The following WWTR1 variants were observed in gnomAD, a reference collection of about 807,000 sequenced individuals.
WWTR1 encodes WW domain containing transcription regulator 1.
WWTR1 carries 13 observed loss-of-function variants against 40.1 expected under a neutral mutation model. The observed-to-expected ratio is 0.32, with a 90% CI of 0.21 to 0.52. The LOEUF (loss-of-function observed/expected upper bound fraction) is 0.52, where lower values mean the gene tolerates loss of function less well. Among genes scored for constraint, WWTR1 ranks in the 20% least tolerant of loss-of-function variants. The pLI is 0.97. For missense variants in WWTR1, 436 were observed against 523.1 expected (o/e 0.83, Z 1.63); for synonymous variants, 230 against 210.1 (o/e 1.09, Z -0.82).
At chr3:149,527,621 G>A (rs559829050) in intron 5 of WWTR1, among the ~76,000 whole-genome samples, 10 of 152,150 alleles carry the variant, frequency 6.6e-5, no homozygotes, top group Admixed American at 5.2e-4. Context: ...TTTACTCTAC[G>A]TCCTATCACC....
At chr3:149,710,582 C>CCT (rs1559847516) in intron 5 of WWTR1, among the ~76,000 whole-genome samples, 1 of 44,640 alleles carries the variant, frequency 2.2e-5, no homozygotes, top group African/African-American at 1.2e-4. Flanking sequence ...CCCCCCCCCC[C>CCT]TTTTTTTTTT....
chr3:149,695,807 A>ATATATG (rs1212674642), intron 1 of WWTR1, among the ~76,000 whole-genome samples: 1 of 145,778 alleles, frequency 6.9e-6, no homozygotes, highest in East Asian at 2.0e-4. Context: ...ATATATATAT[A>ATATATG]TATTTAAAAA....
chr3:149,572,840 ATT>A, intron 3 of WWTR1, 22 bp downstream of exon 3: 1 of 1,611,252 alleles, frequency 6.2e-7, no homozygotes, highest in African/African-American at 1.3e-5. Flanking sequence ...ATCTTTTTTA[ATT>A]TTAAAAAAGC....
chr3:149,527,083 C>G (rs538433466), intron 5 of WWTR1, among the ~76,000 whole-genome samples: 34 of 152,264 alleles, frequency 2.2e-4, no homozygotes, highest in African/African-American at 8.2e-4. Flanking sequence ...AAATCTGACA[C>G]TGTAGAATAT....
At chr3:149,565,928 C>CAAAAAAAA (rs58536558) in intron 3 of WWTR1, among the ~76,000 whole-genome samples, 1 of 73,474 alleles carries the variant, frequency 1.4e-5, no homozygotes, top group Non-Finnish European at 2.8e-5. Flanking sequence ...AACTCTGTCT[C>CAAAAAAAA]AAAAAAAAAA....
intron 2 of WWTR1, among the ~76,000 whole-genome samples, chr3:149,599,084 T>C (rs1030438563): frequency 6.6e-6 from 1 of 152,244 alleles, no homozygotes; most frequent in Non-Finnish European, 1.5e-5. Flanking sequence ...AGGTAAAGAT[T>C]CCAAAATGGC....
rs1307297959 is a variant in WWTR1, at chr3:149,542,364, G to A, written c.742C>T (p.Arg248Ter). 1.9e-6 allele frequency: 3 copies of A among 1,613,914 alleles called. No homozygotes were observed. The highest frequency in any genetic ancestry group is 2.5e-6 in the Non-Finnish European group (3 of 1,179,902). The change falls in exon 4 of 7, where the codon CGA (arginine) becomes TGA (stop). Residue 248 changes from arginine (R) to a stop codon, truncating the protein, a stop_gained. Coordinates refer to ENST00000360632, the MANE Select transcript of WWTR1 (RefSeq NM_015472.6). LOFTEE classifies it high-confidence loss of function. ...QRIQMERERI[R>*]MRQEELMRQE... Reference sequence around the variant, plus strand: ...CTCATGAGCTCCTCTTGGCGCATTCGAATCCTTTCTCTCTCCATCTGGATT... The same window carrying A: ...CTCATGAGCTCCTCTTGGCGCATTCAAATCCTTTCTCTCTCCATCTGGATT...
chr3:149,606,971 G>T (rs780742866), intron 2 of WWTR1, among the ~76,000 whole-genome samples: 1 of 152,242 alleles, frequency 6.6e-6, no homozygotes, highest in Non-Finnish European at 1.5e-5. Flanking sequence ...CTGGAGGGGA[G>T]TGATACACAG....
At chr3:149,576,449 C>A (rs1421083305) in intron 2 of WWTR1, among the ~76,000 whole-genome samples, 2 of 152,142 alleles carry the variant, frequency 1.3e-5, no homozygotes, top group Non-Finnish European at 2.9e-5. Flanking sequence ...ACAGTGTAAT[C>A]TCAGTGTTTG....
At chr3:149,721,875 G>A (rs1198685697) in intron 4 of WWTR1, among the ~76,000 whole-genome samples, 1 of 151,998 alleles carries the variant, frequency 6.6e-6, no homozygotes, top group African/African-American at 2.4e-5. Context: ...TTATTTCATG[G>A]GATATTTTAA....
rs1735218190 is a variant in WWTR1 at position 149,524,811 on chromosome 3, C to G, written c.1018+1202G>C. 2.0e-5 allele frequency among the ~76,000 whole-genome samples: 3 copies of G among 152,288 alleles called. No homozygotes were observed. The South Asian group carries it at 6.2e-4, about 32-fold the overall frequency. On this transcript the variant is annotated intron_variant, in intron 6 of 6. Transcript: ENST00000360632. The stretch of plus-strand genomic sequence containing the variant: ...AGAGTAGAGTGTAAAAAACTACAGG[C>G]ACTATGGCAAACACTTTGGGGGAAG...
At chr3:149,538,952 A>G (rs530424081) in intron 4 of WWTR1, among the ~76,000 whole-genome samples, 3 of 152,362 alleles carry the variant, frequency 2.0e-5, no homozygotes, top group Non-Finnish European at 4.4e-5. Context: ...GAATGAATGA[A>G]GAGATAAAGG....
chr3:149,581,976 G>T (rs1477177992), intron 2 of WWTR1, among the ~76,000 whole-genome samples: 2 of 152,128 alleles, frequency 1.3e-5, no homozygotes, highest in African/African-American at 4.8e-5. Context: ...TGTAATACCC[G>T]TGGTTCCTGC....
intron 3 of WWTR1, among the ~76,000 whole-genome samples, chr3:149,568,665 T>G (rs1441623650): frequency 4.0e-5 from 6 of 151,654 alleles, no homozygotes; most frequent in Admixed American, 2.6e-4. Context: ...TTTTACAAAG[T>G]CACTCACTCC....
chr3:149,633,877 G>A (rs778341313), intron 2 of WWTR1, among the ~76,000 whole-genome samples: 3 of 152,114 alleles, frequency 2.0e-5, no homozygotes, highest in African/African-American at 4.8e-5. Context: ...AGATTCTAGA[G>A]GTTTAGGAAC....
At chr3:149,589,646 G>GT (rs11388564) in intron 2 of WWTR1, among the ~76,000 whole-genome samples, 58,438 of 144,952 alleles carry the variant, frequency 0.4, 12,039 homozygotes, top group East Asian at 0.61. Context: ...CTTTCCATGA[G>GT]TTTTTTTTTT....
intron 3 of WWTR1, among the ~76,000 whole-genome samples, chr3:149,553,262 T>C (rs1159803095): frequency 6.6e-6 from 1 of 152,188 alleles, no homozygotes. Flanking sequence ...TACTGCCCAA[T>C]GATCACCAAC....
intron 5 of WWTR1, among the ~76,000 whole-genome samples, chr3:149,716,973 C>G (rs539890782): frequency 1.7e-4 from 26 of 152,136 alleles, no homozygotes; most frequent in South Asian, 8.3e-4. Flanking sequence ...GCCCAGAGTT[C>G]GAGACCAGAC....
intron 3 of WWTR1, among the ~76,000 whole-genome samples, chr3:149,556,450 G>A (rs1965114): frequency 0.11 from 17,431 of 152,198 alleles, 1,316 homozygotes; most frequent in Middle Eastern, 0.18. Context: ...ATGGTGGCAC[G>A]CGCCTGTAGT....
Sources: allele counts gnomAD v4.1 joint callset (sites outside exome capture counted in the v4.1 genomes callset), GRCh38; gene constraint gnomAD v4.1.1; transcripts MANE v1.5; gene names NCBI Gene and HGNC (gene_info 2026-07-23, HGNC 2026-07-21).